RP2: variants seen among roughly 807,000 people sequenced by gnomAD.
The protein encoded by RP2 is RP2 activator of ARL3 GTPase, also known as protein XRP2.
In RP2, 3 loss-of-function variants were observed where a neutral mutation model predicts 20.3. The ratio of observed to expected loss-of-function variants is 0.15; its 90% CI spans 0.07 to 0.38. RP2 has a LOEUF of 0.38. Ranked by LOEUF, RP2 falls within the 10% of genes least tolerant of loss-of-function variation. The pLI is 1.00. For synonymous variants in RP2, 75 were observed against 94.8 expected, an observed-to-expected ratio of 0.79 and a Z score of 1.22; for missense variants, 233 against 268.5, an observed-to-expected ratio of 0.87 and a Z score of 0.92.
chrX:46,853,385 C>T, intron 1 of RP2, 91 bp from the exon 2 acceptor site: 3 of 818,309 alleles, frequency 3.7e-6, no homozygotes, highest in East Asian at 6.3e-5. Context: ...TATTTCAGCA[C>T]TAAGAACTGT....
intron 3 of RP2, among the ~76,000 whole-genome samples, chrX:46,860,498 A>C (rs1304742388): frequency 1.8e-5 from 2 of 112,296 alleles, no homozygotes; most frequent in Non-Finnish European, 3.8e-5. Flanking sequence ...TGGAAAAGAA[A>C]TAAGAAATAT....
intron 1 of RP2, among the ~76,000 whole-genome samples, chrX:46,847,690 ATATG>A (rs1225127833): frequency 1.0e-5 from 1 of 96,606 alleles, no homozygotes; most frequent in African/African-American, 3.9e-5. Context: ...CACACTATAT[ATATG>A]TGTGTGTGTA....
intron 1 of RP2, among the ~76,000 whole-genome samples, chrX:46,840,677 G>A (rs889761088): frequency 8.9e-6 from 1 of 112,046 alleles, no homozygotes; most frequent in African/African-American, 3.2e-5. Context: ...CCCTAAAAGA[G>A]TTTACTGGCT....
chrX:46,860,099 A>C lies in RP2; in HGVS notation c.880A>C (p.Lys294Gln), dbSNP rs1556319908. ...KAPDFLPLLN[K>Q]GPVIALEFNG... ...ACCTGACTTCCTTCCTCTTCTGAAC[A>C]AAGGTACCTTCTGGATGATTGGTAT... The change falls in exon 3 of 5, where the codon AAA (lysine) becomes CAA (glutamine). Residue 294 changes from lysine (K) to glutamine (Q), a missense_variant. Lys to Gln is a moderately conservative substitution (Grantham distance 53). Around this residue, in one of 3 missense-constraint regions of RP2, gnomAD observed 118 missense variants for 123.8 expected, o/e 0.95. Coordinates refer to ENST00000218340, the MANE Select transcript of RP2 (RefSeq NM_006915.3). The C allele has an allele frequency of 8.7e-7, 1 of 1,155,464 alleles. No individual in the cohort carries two copies. The highest frequency in any genetic ancestry group is 1.8e-5 in the African/African-American group (1 of 56,371).
At chrX:46,875,295 CTT>C (rs782675753) in intron 3 of RP2, among the ~76,000 whole-genome samples, 8 of 88,457 alleles carry the variant, frequency 9.0e-5, no homozygotes, top group Non-Finnish European at 1.2e-4. Context: ...TATTTTCTTT[CTT>C]TTTTTTTTTT....
In RP2 at chrX:46,879,853, C is replaced by A; in HGVS notation, c.*84C>A. Reference sequence around the variant, plus strand: ...TTGATAATACACTTTTGTGTATTAGCAATGGTTTTTACTAATGCTAAAACT... The same window carrying A: ...TTGATAATACACTTTTGTGTATTAGAAATGGTTTTTACTAATGCTAAAACT... On this transcript the variant is annotated 3_prime_UTR_variant, in exon 5 of 5. Coordinates refer to ENST00000218340, the MANE Select transcript of RP2 (RefSeq NM_006915.3). 1.8e-6 allele frequency: 1 copy of A among 562,066 alleles called. No homozygotes were observed. 46.3% of individuals were successfully genotyped at this position (562,066 alleles called of 1,213,427 possible).
intron 3 of RP2, among the ~76,000 whole-genome samples, chrX:46,864,889 G>A (rs1193733330): frequency 2.7e-5 from 3 of 112,360 alleles, no homozygotes; most frequent in African/African-American, 9.7e-5. Flanking sequence ...GAGAAGTAGA[G>A]AGAGAGATAA....
Position 46,877,703 on chromosome X carries a change from G to GGT in RP2, c.969+142_969+143dup, listed in dbSNP as rs397959535. 63,690 of 348,695 alleles carry GGT rather than the reference G, an allele frequency of 0.18. 5,805 individuals carry two copies. The highest frequency in any genetic ancestry group is 0.58 in the African/African-American group (20,175 of 34,740). 28.7% of individuals were successfully genotyped at this position (348,695 alleles called of 1,213,427 possible). ...CCCTAATGTTGCTTGGAATTTTTGG[G>GGT]GTGTGTGTGTGTGTGTGTGTGTGTG... On this transcript the variant is annotated intron_variant, in intron 4 of 4. Coordinates refer to ENST00000218340, the MANE Select transcript of RP2 (RefSeq NM_006915.3).
intron 2 of RP2, among the ~76,000 whole-genome samples, chrX:46,854,864 A>C (rs1924929577): frequency 9.1e-6 from 1 of 110,192 alleles, no homozygotes; most frequent in Admixed American, 9.8e-5. Flanking sequence ...TCCTGGGTTC[A>C]AGCAATTCTC....
At chrX:46,877,364 T>C (rs1925387593) in intron 3 of RP2, 141 bp from the exon 4 acceptor site, 3 of 494,167 alleles carry the variant, frequency 6.1e-6, no homozygotes, top group Non-Finnish European at 3.6e-6. Flanking sequence ...TGAGGTGATA[T>C]GTCCCATCTG....
At chrX:46,859,755 A>G (rs1450949371) in intron 2 of RP2, among the ~76,000 whole-genome samples, 2 of 111,590 alleles carry the variant, frequency 1.8e-5, no homozygotes, top group Non-Finnish European at 1.9e-5. Flanking sequence ...GATAATTCAC[A>G]TTTATTTGAC....
At chrX:46,865,925 CAA>C (rs782061830) in intron 3 of RP2, among the ~76,000 whole-genome samples, 4 of 76,037 alleles carry the variant, frequency 5.3e-5, no homozygotes, top group African/African-American at 4.9e-5. Flanking sequence ...GACTCTGTCT[CAA>C]AAAAAAAAAA....
intron 1 of RP2, among the ~76,000 whole-genome samples, chrX:46,843,178 T>A (rs1446954631): frequency 9.1e-6 from 1 of 110,139 alleles, no homozygotes; most frequent in Non-Finnish European, 1.9e-5. Flanking sequence ...CGGCTAATTT[T>A]TTGTATTTTT....
At chrX:46,862,113 C>T (rs1356141683) in intron 3 of RP2, among the ~76,000 whole-genome samples, 1 of 111,937 alleles carries the variant, frequency 8.9e-6, no homozygotes, top group Non-Finnish European at 1.9e-5. Flanking sequence ...GTGGCTCATA[C>T]CTGTAATCCC....
chrX:46,860,151 C>A, intron 3 of RP2, 49 bp downstream of exon 3: 1 of 871,162 alleles, frequency 1.1e-6, no homozygotes, highest in Non-Finnish European at 1.7e-6. Context: ...TCTTTACATG[C>A]TGATTTGATT....
At chrX:46,857,656 A>G (rs1394640037) in intron 2 of RP2, among the ~76,000 whole-genome samples, 1 of 112,267 alleles carries the variant, frequency 8.9e-6, no homozygotes, top group African/African-American at 3.2e-5. Flanking sequence ...ATAGTTTGAG[A>G]GTACTTCATC....
intron 2 of RP2, 90 bp from the exon 3 acceptor site, chrX:46,859,898 C>T: frequency 3.1e-6 from 2 of 639,259 alleles, no homozygotes; most frequent in Non-Finnish European, 5.1e-6. Flanking sequence ...GCTGTTGTTG[C>T]ATTTTATACA....
chrX:46,877,992 T>TGCCCAGGGTTCATTTTTAC (rs1166738550), intron 4 of RP2, among the ~76,000 whole-genome samples: 3 of 111,190 alleles, frequency 2.7e-5, no homozygotes, highest in Middle Eastern at 4.6e-3. Flanking sequence ...ACGATTCTGT[T>TGCCCAGGGTTCATTTTTAC]GCCCAGGGTT....
At position 46,881,003 on chromosome X, in the gene RP2, G is replaced by T. The variant is rs1308944008; in HGVS notation, c.*1234G>T. 9.0e-6 allele frequency: 1 copy of T among 111,607 alleles called. No individual in the cohort carries two copies. The highest frequency in any genetic ancestry group is 2.8e-4 in the East Asian group (1 of 3,586). 9.2% of individuals were successfully genotyped at this position (111,607 alleles called of 1,213,427 possible). On this transcript the variant is annotated 3_prime_UTR_variant, in exon 5 of 5. Transcript: ENST00000218340. ...AGCTATTATGAAATCAGCTTTCATA[G>T]GCCTATTTTTAAAAGGAATCTGAAA...
Sources: gnomAD v4.1 joint callset for allele counts (sites outside exome capture counted in the v4.1 genomes callset) on GRCh38, gnomAD v4.1.1 for gene constraint, gnomAD v4.1.1 regional missense constraint, MANE v1.5 for transcripts, NCBI Gene and HGNC (gene_info 2026-07-23, HGNC 2026-07-21) for gene names.